PNKD: variants seen among roughly 807,000 people sequenced by gnomAD.
PNKD encodes the protein PNKD metallo-beta-lactamase domain containing, also known as probable thioesterase PNKD.
PNKD carries 36 observed loss-of-function variants against 45.3 expected under a neutral mutation model. That is an observed-to-expected ratio of 0.80 (90% CI 0.61 to 1.05). PNKD has a LOEUF of 1.05. PNKD is among the 50% of genes least tolerant of loss of function. The probability of loss-of-function intolerance (pLI) is 0.00; values close to 1 mark genes in which losing one functional copy is unlikely to be tolerated. For synonymous variants in PNKD, 197 were observed against 210.1 expected, an observed-to-expected ratio of 0.94 and a Z score of 0.54; for missense variants, 511 against 506.6, an observed-to-expected ratio of 1.01 and a Z score of -0.08.
intron 7 of PNKD, among the ~76,000 whole-genome samples, chr2:218,342,651 G>A (rs1694715439): frequency 6.6e-6 from 1 of 152,100 alleles, no homozygotes; most frequent in Non-Finnish European, 1.5e-5. Flanking sequence ...AGCGAGCTGA[G>A]ATCGCGCCAC....
chr2:218,279,223 C>T, intron 2 of PNKD: 1 of 1,560,212 alleles, frequency 6.4e-7, no homozygotes, highest in South Asian at 1.2e-5. Flanking sequence ...CCGCCACCCA[C>T]ACCCCCAGCA....
At chr2:218,342,744 G>A (rs911327883) in intron 7 of PNKD, among the ~76,000 whole-genome samples, 6 of 151,942 alleles carry the variant, frequency 3.9e-5, no homozygotes, top group African/African-American at 1.5e-4. Flanking sequence ...TATAGGCCAG[G>A]AGCAGTGACT....
chr2:218,276,143 C>T, intron 2 of PNKD: 1 of 1,561,042 alleles, frequency 6.4e-7, no homozygotes, highest in Admixed American at 1.8e-5. Flanking sequence ...CCACAGGCCC[C>T]AGCTTCCCCC....
chr2:218,287,104 A>C (rs1692582529), intron 2 of PNKD: 1 of 152,212 alleles, frequency 6.6e-6, no homozygotes, highest in South Asian at 2.1e-4. Context: ...GCCCAGAATC[A>C]ACTAAATATC....
intron 2 of PNKD, chr2:218,317,877 T>G (rs956868302): frequency 6.6e-6 from 1 of 152,258 alleles, no homozygotes; most frequent in Non-Finnish European, 1.5e-5. Flanking sequence ...ACTTCTGCAC[T>G]GGGTTCACTT....
At chr2:218,309,942 A>G (rs923900658) in intron 2 of PNKD, among the ~76,000 whole-genome samples, 3 of 151,900 alleles carry the variant, frequency 2.0e-5, no homozygotes, top group Admixed American at 1.3e-4. Flanking sequence ...TAAAAAAAAA[A>G]AAAAGAAAAG....
chr2:218,278,240 T>A (rs1691454035), intron 2 of PNKD: 2 of 604,062 alleles, frequency 3.3e-6, no homozygotes, highest in Non-Finnish European at 5.8e-6. Context: ...GGGGAGAAAG[T>A]TACTCAGCCT....
chr2:218,284,354 G>A (rs1692326526), intron 2 of PNKD: 1 of 152,284 alleles, frequency 6.6e-6, no homozygotes. Flanking sequence ...GGCTCTGCAG[G>A]GCCTGACCTT....
At chr2:218,328,434 C>G (rs1694218680) in intron 2 of PNKD, among the ~76,000 whole-genome samples, 1 of 152,210 alleles carries the variant, frequency 6.6e-6, no homozygotes, top group East Asian at 1.9e-4. Flanking sequence ...TAGTTCACAT[C>G]ACCATGGGAC....
intron 2 of PNKD, among the ~76,000 whole-genome samples, chr2:218,330,924 C>T (rs1694297996): frequency 6.6e-6 from 1 of 152,220 alleles, no homozygotes; most frequent in Non-Finnish European, 1.5e-5. Context: ...TTGTGAGTCA[C>T]ATGAACTTAC....
At chr2:218,273,007 CAT>C (rs963590522) in intron 2 of PNKD, 4 of 1,168,606 alleles carry the variant, frequency 3.4e-6, no homozygotes, top group South Asian at 1.6e-5. Flanking sequence ...GCTGGTTACT[CAT>C]GTGTGCTCCC....
intron 2 of PNKD, chr2:218,281,130 T>TGTTTTTTTTTTTGG (rs1553658814): frequency 2.6e-5 from 3 of 117,346 alleles, no homozygotes; most frequent in Admixed American, 9.1e-5. Context: ...TTGTTTTTTG[T>TGTTTTTTTTTTTGG]TTTTTTTTTG....
intron 2 of PNKD, among the ~76,000 whole-genome samples, chr2:218,323,746 G>A (rs1303113813): frequency 2.6e-5 from 4 of 152,022 alleles, no homozygotes; most frequent in Admixed American, 2.6e-4. Context: ...AAGCTGGACA[G>A]GGGGATAGTG....
At chr2:218,334,828 T>TA (rs1694441981) in intron 2 of PNKD, 1 of 690,614 alleles carries the variant, frequency 1.4e-6, no homozygotes, top group Non-Finnish European at 2.6e-6. Flanking sequence ...TAATTAGTGG[T>TA]TATTTTGTGA....
At chr2:218,308,078 T>C (rs1252763559) in intron 2 of PNKD, among the ~76,000 whole-genome samples, 1 of 151,170 alleles carries the variant, frequency 6.6e-6, no homozygotes, top group Non-Finnish European at 1.5e-5. Context: ...AAAATACTAA[T>C]ATGTTTTCAT....
intron 2 of PNKD, among the ~76,000 whole-genome samples, chr2:218,316,271 T>TTTC (rs1553668145): frequency 7.2e-5 from 9 of 124,226 alleles, no homozygotes; most frequent in Non-Finnish European, 1.4e-4. Context: ...TTTCTTTCTT[T>TTTC]TTTTTTTTTT....
At position 218,323,013 on chromosome 2, in the gene PNKD, G is replaced by T. The variant is rs187841465; in HGVS notation, c.237-16770G>T. Among the ~76,000 whole-genome samples the T allele has an allele frequency of 2.4e-3, 346 of 146,036 alleles. 1 individual carries two copies. Among genetic ancestry groups the T allele is most frequent in the Non-Finnish European group, 7.2e-4 (48 of 66,442 alleles). On this transcript the variant is annotated intron_variant, in intron 2 of 9. Coordinates refer to ENST00000273077, the MANE Select transcript of PNKD (RefSeq NM_015488.5). ...TGTGGACCCCGATCAGCGCAGGCTC[G>T]CGGCCCGCTGTGGCCCCGCCTCCTG...
intron 6 of PNKD, 165 bp from the exon 7 acceptor site, chr2:218,341,816 G>C: frequency 1.3e-6 from 1 of 767,138 alleles, no homozygotes; most frequent in South Asian, 1.5e-5. Context: ...CCCAAAAGAG[G>C]AAAGGGGGAG....
chr2:218,340,758 G>A lies in PNKD; in HGVS notation c.496G>A (p.Val166Ile). The A allele has an allele frequency of 6.2e-7, 1 of 1,614,080 alleles. No homozygotes were observed. The highest frequency in any genetic ancestry group is 1.1e-5 in the South Asian group (1 of 91,080). The change falls in exon 5 of 10, where the codon GTC (valine) becomes ATC (isoleucine). Residue 166 changes from valine to isoleucine, a missense_variant. By Grantham distance (29) the Val-to-Ile change is conservative (BLOSUM62 3). Coordinates refer to ENST00000273077, the MANE Select transcript of PNKD (RefSeq NM_015488.5). The surrounding 1 kb of genome is among the most constrained non-coding windows in gnomAD (Gnocchi z 4.2). ...CATTGAAAAGGAAGGGGTCACCTTGGTCGCCATTCTGTGTACTCACAAGCA... is the reference window on the plus strand; with the variant it reads ...CATTGAAAAGGAAGGGGTCACCTTGATCGCCATTCTGTGTACTCACAAGCA... ...ASIEKEGVTLVAILCTHKHWD... is the reference protein window; with the variant it reads ...ASIEKEGVTLIAILCTHKHWD...
Sources: allele counts gnomAD v4.1 joint callset (sites outside exome capture counted in the v4.1 genomes callset), GRCh38; gene constraint gnomAD v4.1.1; non-coding constraint Gnocchi (gnomAD v3.1); transcripts MANE v1.5; gene names NCBI Gene and HGNC (gene_info 2026-07-23, HGNC 2026-07-21).